The following CELA1 variants were observed in gnomAD, a reference collection of about 807,000 sequenced individuals.
The protein encoded by CELA1 is chymotrypsin like elastase 1.
CELA1 carries 28 observed loss-of-function variants against 34.8 expected under a neutral mutation model. The observed-to-expected ratio is 0.80, with a 90% confidence interval of 0.60 to 1.10. The LOEUF is 1.10. Among genes scored for constraint, CELA1 ranks in the 50% least tolerant of loss-of-function variants. CELA1 has a pLI of 0.00. For missense variants in CELA1, 288 were observed against 327.5 expected, an observed-to-expected ratio of 0.88 and a Z score of 0.93; for synonymous variants, 140 against 129.8, an observed-to-expected ratio of 1.08 and a Z score of -0.53.
In CELA1 at chr12:51,328,564, C is replaced by A. The variant is rs1946449885; in HGVS notation, c.*13G>T. The A allele has an allele frequency of 1.2e-6, 2 of 1,614,124 alleles. No homozygotes were observed. Among genetic ancestry groups the A allele is most frequent in the East Asian group, 4.5e-5 (2 of 44,884 alleles). ...GAACCATTTTGGGAAGGTCGTTGGA[C>A]TCAGGAAAATGTTCAGTTGGAGGCG... On this transcript the variant is annotated 3_prime_UTR_variant, in exon 8 of 8. Coordinates refer to ENST00000293636, the MANE Select transcript of CELA1 (RefSeq NM_001971.6).
chr12:51,335,802 A>G (rs1946497245), intron 6 of CELA1, among the ~76,000 whole-genome samples: 1 of 151,708 alleles, frequency 6.6e-6, no homozygotes, highest in Non-Finnish European at 1.5e-5. Flanking sequence ...ACATCCAGCT[A>G]ATTTTTAAAA....
At position 51,342,539 on chromosome 12, in the gene CELA1, C is replaced by G. The variant is rs1565702102; in HGVS notation, c.326+36G>C. 5.6e-6 allele frequency: 9 copies of G among 1,613,580 alleles called. No individual in the cohort carries two copies. In the Admixed American group the frequency reaches 6.7e-5, roughly 12 times the overall value. On this transcript the variant is annotated intron_variant, in intron 4 of 7. Transcript: ENST00000293636. The stretch of plus-strand genomic sequence containing the variant: ...CCAGTTGTTGGCTAGTCAGGCCTCA[C>G]CGCCCAGCCCAGGGCCAGCTTGGAC...
chr12:51,330,778 G>C (rs1946464587), intron 6 of CELA1, among the ~76,000 whole-genome samples: 1 of 150,368 alleles, frequency 6.7e-6, no homozygotes, highest in Admixed American at 6.6e-5. Flanking sequence ...AGACCATCCT[G>C]GCTAACACGG....
intron 6 of CELA1, among the ~76,000 whole-genome samples, chr12:51,332,140 G>A (rs1415898512): frequency 2.7e-5 from 4 of 150,310 alleles, no homozygotes; most frequent in African/African-American, 9.8e-5. Context: ...AGCTGTGATT[G>A]TGCTACTGCA....
chr12:51,330,907 T>TTGC (rs1202814611), intron 6 of CELA1, among the ~76,000 whole-genome samples: 3 of 148,446 alleles, frequency 2.0e-5, no homozygotes, highest in Admixed American at 6.7e-5. Flanking sequence ...GAGGCAGAGC[T>TTGC]TGCAGTGAGC....
chr12:51,346,527 G>T (rs1946565657), intron 1 of CELA1, 96 bp downstream of exon 1: 1 of 1,233,196 alleles, frequency 8.1e-7, no homozygotes, highest in Admixed American at 2.0e-5. Context: ...AAAATTTGCT[G>T]ACCTTCCTGC....
chr12:51,336,327 T>C (rs1328199176), intron 6 of CELA1, among the ~76,000 whole-genome samples: 1 of 152,210 alleles, frequency 6.6e-6, no homozygotes, highest in Non-Finnish European at 1.5e-5. Context: ...AGCCCAGCTC[T>C]TCCCCCAGGC....
Position 51,329,763 on chromosome 12 carries a change from A to C in CELA1, c.680T>G (p.Val227Gly). ...KYSVHGVTSF[V>G]SSRGCNVSRK... ...GGAGACATTACAGCCCCGGCTGGAC[A>C]CAAAGCTGGTCACTCCATGGACAGA... The change falls in exon 7 of 8, where the codon GTG (valine) becomes GGG (glycine). Residue 227 changes from valine (V) to glycine (G), a missense_variant. Coordinates refer to ENST00000293636, the MANE Select transcript of CELA1 (RefSeq NM_001971.6). 1 of 1,614,090 alleles carries C rather than the reference A, an allele frequency of 6.2e-7. No individual in the cohort carries two copies.
intron 3 of CELA1, 51 bp downstream of exon 3, chr12:51,343,702 A>G (rs1418647003): frequency 9.1e-7 from 1 of 1,103,798 alleles, no homozygotes; most frequent in East Asian, 2.4e-5. Context: ...TCAGAAGGTC[A>G]GCCCCTTCCC....
intron 6 of CELA1, among the ~76,000 whole-genome samples, chr12:51,337,562 A>AAC (rs1592296816): frequency 6.7e-6 from 1 of 150,068 alleles, no homozygotes; most frequent in Middle Eastern, 3.4e-3. Flanking sequence ...AAAAAAAAAA[A>AAC]GCAGCCATAA....
chr12:51,342,779 C>T lies in CELA1; in HGVS notation c.201-79G>A, dbSNP rs1592298920. The T allele has an allele frequency of 2.8e-6, 4 of 1,451,568 alleles. No individual in the cohort carries two copies. In the Admixed American group the frequency reaches 7.6e-5, roughly 28 times the overall value. 89.9% of individuals were successfully genotyped at this position (1,451,568 alleles called of 1,614,324 possible). A position where few individuals can be genotyped will look rare whatever the true frequency, so the allele number is the denominator to read the frequency against. ...CCCCACTTAGAGAAAAGTTGAAAAACCATCTTTTTTTTTAATCATTATTAT... is the reference window on the plus strand; with the variant it reads ...CCCCACTTAGAGAAAAGTTGAAAAATCATCTTTTTTTTTAATCATTATTAT... On this transcript the variant is annotated intron_variant, in intron 3 of 7. Coordinates refer to ENST00000293636, the MANE Select transcript of CELA1 (RefSeq NM_001971.6).
chr12:51,338,735 GT>G (rs1322727764), intron 6 of CELA1, among the ~76,000 whole-genome samples: 1 of 152,158 alleles, frequency 6.6e-6, no homozygotes, highest in Non-Finnish European at 1.5e-5. Flanking sequence ...ACTTGACACT[GT>G]TTGATCCATC....
chr12:51,340,021 G>C lies in CELA1; in HGVS notation c.464-16C>G. The C allele has an allele frequency of 6.2e-7, 1 of 1,608,316 alleles. No individual in the cohort carries two copies. On this transcript the variant is annotated splice_polypyrimidine_tract_variant and intron_variant, in intron 5 of 7. Coordinates refer to ENST00000293636, the MANE Select transcript of CELA1 (RefSeq NM_001971.6). ...TGCCCATTGGCTGAACAGGACACAC[G>C]GCATTGGCAGTCAGCTCCAGATGTG...
At chr12:51,345,954 T>A in intron 1 of CELA1, 77 bp from the exon 2 acceptor site, 1 of 991,640 alleles carries the variant, frequency 1.0e-6, no homozygotes, top group Non-Finnish European at 1.5e-6. Flanking sequence ...GTGGCGATTG[T>A]GCTTTGAGGA....
chr12:51,339,500 G>T (rs998966305), intron 6 of CELA1, among the ~76,000 whole-genome samples: 3 of 152,034 alleles, frequency 2.0e-5, no homozygotes, highest in Non-Finnish European at 4.4e-5. Context: ...GCAGTGAGCC[G>T]AGATCGTCCC....
chr12:51,339,710 G>T, intron 6 of CELA1, 150 bp downstream of exon 6: 1 of 692,382 alleles, frequency 1.4e-6, no homozygotes, highest in Non-Finnish European at 2.3e-6. Context: ...AGAATTACCA[G>T]CACAGGATCA....
intron 2 of CELA1, 71 bp downstream of exon 2, chr12:51,345,724 C>T (rs746572769): frequency 1.5e-5 from 16 of 1,081,386 alleles, no homozygotes; most frequent in African/African-American, 3.1e-5. Flanking sequence ...TGCACAAATA[C>T]ACATGATACC....
At chr12:51,330,143 C>A (rs1946461815) in intron 6 of CELA1, among the ~76,000 whole-genome samples, 1 of 152,160 alleles carries the variant, frequency 6.6e-6, no homozygotes, top group African/African-American at 2.4e-5. Flanking sequence ...CTTTCCTCTC[C>A]ACAATGCTAG....
intron 7 of CELA1, among the ~76,000 whole-genome samples, 157 bp from the exon 8 acceptor site, chr12:51,328,751 A>G (rs1037653082): frequency 1.3e-5 from 2 of 152,206 alleles, no homozygotes; most frequent in Non-Finnish European, 2.9e-5. Context: ...CAACTGTGAT[A>G]GGACAGCTCA....
Sources: allele counts gnomAD v4.1 joint callset (sites outside exome capture counted in the v4.1 genomes callset), GRCh38; gene constraint gnomAD v4.1.1; transcripts MANE v1.5; gene names NCBI Gene and HGNC (gene_info 2026-07-23, HGNC 2026-07-21).